Variants in RGMB observed in about 807,000 individuals in gnomAD.
RGMB encodes the protein repulsive guidance molecule BMP co-receptor b, also known as repulsive guidance molecule B.
RGMB carries 16 observed loss-of-function variants against 26.9 expected under a neutral mutation model. The observed-to-expected ratio is 0.60, with a 90% confidence interval of 0.40 to 0.90. RGMB has a LOEUF of 0.90. RGMB is among the 40% of genes least tolerant of loss of function. The pLI is 0.00. For synonymous variants in RGMB, 225 were observed against 229.3 expected (o/e 0.98, Z 0.17); for missense variants, 512 against 573.3 (o/e 0.89, Z 1.09).
chr5:98,775,714 G>A (rs989903548), intron 1 of RGMB, among the ~76,000 whole-genome samples: 5 of 152,178 alleles, frequency 3.3e-5, no homozygotes, highest in Non-Finnish European at 7.3e-5. Context: ...TTGGCTTAAA[G>A]GTTTAGAAAA....
At chr5:98,785,582 G>C (rs1422594001) in intron 2 of RGMB, among the ~76,000 whole-genome samples, 1 of 152,064 alleles carries the variant, frequency 6.6e-6, no homozygotes, top group Admixed American at 6.5e-5. Context: ...ATACAACCTA[G>C]CAGGGCCTAG....
At chr5:98,786,668 G>A (rs1046204267) in intron 2 of RGMB, among the ~76,000 whole-genome samples, 8 of 152,088 alleles carry the variant, frequency 5.3e-5, no homozygotes, top group Admixed American at 1.3e-4. Context: ...CCACTGTTTC[G>A]AATTTTGTGT....
intron 2 of RGMB, among the ~76,000 whole-genome samples, chr5:98,788,346 A>C (rs1281797377): frequency 6.6e-6 from 1 of 152,192 alleles, no homozygotes; most frequent in Non-Finnish European, 1.5e-5. Flanking sequence ...GATATTTGAT[A>C]TGTAGGCTGA....
At chr5:98,784,869 A>C (rs1273965019) in intron 2 of RGMB, among the ~76,000 whole-genome samples, 1 of 152,190 alleles carries the variant, frequency 6.6e-6, no homozygotes, top group African/African-American at 2.4e-5. Flanking sequence ...GCAGTGTTAT[A>C]AAGAGGGGGA....
In RGMB at chr5:98,774,124, G is replaced by A. The variant is rs2547973; in HGVS notation, c.54G>A (p.Glu18=). The change falls in exon 1 of 3, where the codon GAG becomes GAA. Residue 18 remains glutamate, a synonymous_variant. Transcript: ENST00000513185. ...CCGCCGCTGCCGCCGCCGAGGTTGA[G>A]CAGCGCCGCAGCCCCGGGCTCTGCC... ...SSAAAAAAEV[E]QRRSPGLCPP... 0.31 allele frequency: 450,822 copies of A among 1,435,122 alleles called. 73,994 individuals are homozygous for A. The highest frequency in any genetic ancestry group is 0.46 in the South Asian group (36,249 of 79,388). 88.9% of individuals were successfully genotyped at this position (1,435,122 alleles called of 1,614,324 possible).
Position 98,773,917 on chromosome 5 carries a change from C to CGGT in RGMB, c.-148_-146dup. ...GCCGGCTGCGCGCTGCTTGCTGCGG[C>CGGT]GGTGGTGGCGCCCCATCTGCTACAC... On this transcript the variant is annotated 5_prime_UTR_variant, in exon 1 of 3. Coordinates refer to ENST00000513185, the MANE Select transcript of RGMB (RefSeq NM_001366508.1). 1 of 548,220 alleles carries CGGT rather than the reference C, an allele frequency of 1.8e-6. No individual in the cohort carries two copies. The highest frequency in any genetic ancestry group is 3.2e-6 in the Non-Finnish European group (1 of 311,106). The allele number at this position is 548,220 out of a possible 1,614,324, so 34.0% of individuals were successfully genotyped here.
chr5:98,773,858 C>G lies in RGMB; in HGVS notation c.-213C>G. On this transcript the variant is annotated 5_prime_UTR_variant, in exon 1 of 3. Coordinates refer to ENST00000513185, the MANE Select transcript of RGMB (RefSeq NM_001366508.1). ...GCCGCCTCCGGCCGCCACGATGCCC[C>G]TGCGCCCCGCTGCTGCCGCCGCGGA... is the stretch of plus-strand genomic sequence containing the variant. 2.0e-6 allele frequency: 1 copy of G among 490,050 alleles called. No homozygotes were observed. The highest frequency in any genetic ancestry group is 3.5e-6 in the Non-Finnish European group (1 of 283,156). The allele number at this position is 490,050 out of a possible 1,614,324, so 30.4% of individuals were successfully genotyped here.
Position 98,793,087 on chromosome 5 carries a change from C to A in RGMB, c.648C>A (p.Ile216=). The A allele has an allele frequency of 1.9e-6, 3 of 1,595,006 alleles. No homozygotes were observed. Among genetic ancestry groups the A allele is most frequent in the Non-Finnish European group, 1.7e-6 (2 of 1,166,756 alleles). Residue 216 remains isoleucine (I), a splice_region_variant and synonymous_variant, in exon 3 of 3, where the codon ATC becomes ATA. Transcript: ENST00000513185. ...CTTGTACATGCTCCTTCCCACAGAT[C>A]ACTATTATCTTCAAAGCCCACCATG... is the stretch of plus-strand genomic sequence containing the variant. ...PGSSATATNK[I]TIIFKAHHEC...
chr5:98,785,500 C>T (rs543014148), intron 2 of RGMB, among the ~76,000 whole-genome samples: 41 of 152,286 alleles, frequency 2.7e-4, no homozygotes, highest in African/African-American at 8.2e-4. Flanking sequence ...TCTTTACTCC[C>T]GGGATTTGGC....
chr5:98,773,634 T>C (rs1746254632), upstream of RGMB: 2 of 301,042 alleles, frequency 6.6e-6, no homozygotes, highest in Admixed American at 1.0e-4. Flanking sequence ...AGTGCGGGAC[T>C]GAGATTGATC....
Position 98,784,784 on chromosome 5 carries a change from AT to A in RGMB, c.645+4701del, listed in dbSNP as rs1402773836. ...TGTGAGCTACATAGTGTTTATCATT[AT>A]TTTTCTGGACTAAGGGATATGGTTC... On this transcript the variant is annotated intron_variant, in intron 2 of 2. Transcript: ENST00000513185. 2.0e-5 allele frequency among the ~76,000 whole-genome samples: 3 copies of A among 152,080 alleles called. No individual in the cohort carries two copies. The East Asian group carries it at 5.8e-4, about 29-fold the overall frequency.
chr5:98,793,986 T>C lies in RGMB; in HGVS notation c.*233T>C. Reference sequence around the variant, plus strand: ...TGTTTTGCAGTTCTGTGAAATGTTTTATAATGTCCCTGCCCAGGGACCTGT... The same window carrying C: ...TGTTTTGCAGTTCTGTGAAATGTTTCATAATGTCCCTGCCCAGGGACCTGT... On this transcript the variant is annotated 3_prime_UTR_variant, in exon 3 of 3. Coordinates refer to ENST00000513185, the MANE Select transcript of RGMB (RefSeq NM_001366508.1). 2 of 430,132 alleles carry C rather than the reference T, an allele frequency of 4.6e-6. No individual in the cohort carries two copies. Among genetic ancestry groups the C allele is most frequent in the East Asian group, 7.7e-5 (2 of 25,832 alleles). The allele number at this position is 430,132 out of a possible 1,614,324, so 26.6% of individuals were successfully genotyped here.
chr5:98,775,984 G>C (rs577933007), intron 1 of RGMB, among the ~76,000 whole-genome samples: 2 of 152,328 alleles, frequency 1.3e-5, no homozygotes, highest in East Asian at 3.9e-4. Context: ...TTTGCAGATG[G>C]ACTACTATAT....
At chr5:98,769,813 T>TA (rs771678459), upstream of RGMB, 26 of 152,386 alleles carry the variant, frequency 1.7e-4, no homozygotes, top group African/African-American at 6.0e-4. Context: ...TTTCGCAACT[T>TA]ACAGATCTAG....
intron 1 of RGMB, among the ~76,000 whole-genome samples, chr5:98,777,241 TTATAAAGAAACG>T (rs959912004): frequency 1.3e-5 from 2 of 152,178 alleles, no homozygotes; most frequent in African/African-American, 2.4e-5. Flanking sequence ...TTTGAAATAA[TTATAAAGAAACG>T]TATGCTCGGA....
rs1252612337 is a variant in RGMB at position 98,774,176 on chromosome 5, C to CTGCTGT, written c.108_113dup (p.Leu36_Leu37dup). 1.3e-5 allele frequency: 20 copies of CTGCTGT among 1,499,620 alleles called. No homozygotes were observed. The highest frequency in any genetic ancestry group is 1.8e-5 in the Non-Finnish European group (20 of 1,131,826). The allele number at this position is 1,499,620 out of a possible 1,614,324, so 92.9% of individuals were successfully genotyped here. ...CCCGCCGCTGGAGCTGCTGCTGCTG[C>CTGCTGT]TGCTGTTCAGCCTCGGGCTGCTCCA... is the stretch of plus-strand genomic sequence containing the variant. On this transcript the variant is annotated inframe_insertion, in exon 1 of 3. Coordinates refer to ENST00000513185, the MANE Select transcript of RGMB (RefSeq NM_001366508.1).
intron 1 of RGMB, among the ~76,000 whole-genome samples, chr5:98,775,144 T>C (rs1746357206): frequency 6.6e-6 from 1 of 152,176 alleles, no homozygotes; most frequent in African/African-American, 2.4e-5. Flanking sequence ...GTCCTGTATA[T>C]ATGAGACACT....
At chr5:98,788,553 C>T (rs867768753) in intron 2 of RGMB, among the ~76,000 whole-genome samples, 26 of 152,066 alleles carry the variant, frequency 1.7e-4, no homozygotes, top group African/African-American at 5.6e-4. Context: ...AATCAATATA[C>T]CTCTTTTCCC....
rs536129685 is a variant in RGMB at position 98,794,026 on chromosome 5, T to C, written c.*273T>C. 3.4e-6 allele frequency: 1 copy of C among 294,028 alleles called. No homozygotes were observed. The highest frequency in any genetic ancestry group is 6.9e-5 in the East Asian group (1 of 14,558). 18.2% of individuals were successfully genotyped at this position (294,028 alleles called of 1,614,324 possible). A position where few individuals can be genotyped will look rare whatever the true frequency, so the allele number is the denominator to read the frequency against. On this transcript the variant is annotated 3_prime_UTR_variant, in exon 3 of 3. Coordinates refer to ENST00000513185, the MANE Select transcript of RGMB (RefSeq NM_001366508.1). Reference sequence around the variant, plus strand: ...CAGGGACCTGTTAGAAAGCACTTTATTTTTTATATATTAAATATTTATGTG... The same window carrying C: ...CAGGGACCTGTTAGAAAGCACTTTACTTTTTATATATTAAATATTTATGTG...
Sources: gnomAD v4.1 joint callset for allele counts (sites outside exome capture counted in the v4.1 genomes callset) on GRCh38, gnomAD v4.1.1 for gene constraint, MANE v1.5 for transcripts, NCBI Gene and HGNC (gene_info 2026-07-23, HGNC 2026-07-21) for gene names.